Variants in AXIN1 observed in about 807,000 individuals in gnomAD.
AXIN1 encodes axin-1.
In AXIN1, 30 loss-of-function variants were observed where a neutral mutation model predicts 76.4. The ratio of observed to expected loss-of-function variants is 0.39; its 90% CI spans 0.29 to 0.53. AXIN1 has a LOEUF of 0.53. Ranked by LOEUF, AXIN1 falls within the 20% of genes least tolerant of loss-of-function variation. The pLI is 0.66. For synonymous variants in AXIN1, 545 were observed against 501.4 expected (o/e 1.09, Z -1.16); for missense variants, 1,140 against 1,198.8 (o/e 0.95, Z 0.72).
Position 293,409 on chromosome 16 carries a change from A to C in AXIN1, c.2186+79T>G. ...GGGCCGTTTTTCCCCTGAAGACCTC[A>C]GGCCTCGGGGAGCTTCAGCCCCAGG... is the stretch of plus-strand genomic sequence containing the variant. On this transcript the variant is annotated intron_variant, in intron 8 of 10. Coordinates refer to ENST00000262320, the MANE Select transcript of AXIN1 (RefSeq NM_003502.4). This position sits in a 1 kb window ranked among gnomAD's most constrained non-coding sequence, Gnocchi z 4.6. The C allele has an allele frequency of 7.0e-7, 1 of 1,437,064 alleles. No homozygotes were observed. The highest frequency in any genetic ancestry group is 9.6e-7 in the Non-Finnish European group (1 of 1,043,478). The allele number at this position is 1,437,064 out of a possible 1,614,324, so 89.0% of individuals were successfully genotyped here.
chr16:341,178 C>T (rs535384237), intron 2 of AXIN1, among the ~76,000 whole-genome samples: 2 of 152,398 alleles, frequency 1.3e-5, no homozygotes, highest in East Asian at 3.9e-4. Context: ...CTTGAGGAGC[C>T]CTTCAGCCCA....
In AXIN1 at chr16:297,892, G is replaced by A. The variant is rs374978030; in HGVS notation, c.1614C>T (p.His538=). ...TGGGCCGGGCTGTGCTGTGGTGGAC[G>A]TGGTGGTGGACGTGTCGGTGGTGGT... ...GLHHHRHVHH[H]VHHSTARPKE... Residue 538 remains histidine (H), a synonymous_variant, in exon 6 of 11, where the codon CAC becomes CAT. Coordinates refer to ENST00000262320, the MANE Select transcript of AXIN1 (RefSeq NM_003502.4). 65 of 1,592,204 alleles carry A rather than the reference G, an allele frequency of 4.1e-5. No individual in the cohort carries two copies. The highest frequency in any genetic ancestry group is 4.8e-5 in the Non-Finnish European group (56 of 1,168,296).
intron 2 of AXIN1, among the ~76,000 whole-genome samples, chr16:340,553 G>A (rs771845685): frequency 2.0e-5 from 3 of 152,224 alleles, no homozygotes; most frequent in Non-Finnish European, 4.4e-5. Context: ...TGCAGGCCCT[G>A]GGCCTCCCGC....
chr16:299,446 G>A (rs1453025411), intron 5 of AXIN1, among the ~76,000 whole-genome samples: 3 of 151,752 alleles, frequency 2.0e-5, no homozygotes, highest in Non-Finnish European at 2.9e-5. Flanking sequence ...TCCACCTCCC[G>A]GGCTCAAGCA....
At chr16:303,036 A>G (rs1266449506) in intron 5 of AXIN1, among the ~76,000 whole-genome samples, 1 of 151,856 alleles carries the variant, frequency 6.6e-6, no homozygotes, top group Non-Finnish European at 1.5e-5. Flanking sequence ...TAATTTTGAA[A>G]TTTTTTCTAG....
chr16:343,107 C>G (rs193094788), intron 2 of AXIN1, among the ~76,000 whole-genome samples: 1 of 152,192 alleles, frequency 6.6e-6, no homozygotes, highest in African/African-American at 2.4e-5. Flanking sequence ...ACCGCAGACA[C>G]GACTCCCAAG....
At chr16:305,814 G>A (rs1048963920) in intron 4 of AXIN1, among the ~76,000 whole-genome samples, 1 of 152,120 alleles carries the variant, frequency 6.6e-6, no homozygotes, top group African/African-American at 2.4e-5. Flanking sequence ...AAAGTGCTGG[G>A]ATTACAGGCG....
intron 1 of AXIN1, among the ~76,000 whole-genome samples, chr16:348,424 T>C (rs549702854): frequency 6.6e-6 from 1 of 152,318 alleles, no homozygotes; most frequent in African/African-American, 2.4e-5. Context: ...GTCCCTTGTC[T>C]ATGTGGAATC....
intron 2 of AXIN1, among the ~76,000 whole-genome samples, chr16:321,586 A>T (rs1431164275): frequency 6.6e-6 from 1 of 152,228 alleles, no homozygotes; most frequent in Admixed American, 6.5e-5. Flanking sequence ...ACGAGGTAGA[A>T]GGTGGATTCC....
intron 2 of AXIN1, among the ~76,000 whole-genome samples, chr16:337,589 G>A (rs533000413): frequency 6.6e-6 from 1 of 151,790 alleles, no homozygotes; most frequent in African/African-American, 2.4e-5. Context: ...GCAGCCCACT[G>A]CAGCTCACAG....
chr16:346,264 A>G lies in AXIN1; in HGVS notation c.762T>C (p.Asp254=), dbSNP rs1805105. 1,048,236 of 1,613,910 alleles carry G rather than the reference A, an allele frequency of 0.65. 346,703 individuals carry two copies. Among genetic ancestry groups the G allele is most frequent in the African/African-American group, 0.87 (64,979 of 75,010 alleles). Residue 254 remains aspartate, a synonymous_variant, in exon 2 of 11, where the codon GAT becomes GAC. Transcript: ENST00000262320. Reference sequence around the variant, plus strand: ...GAGCAGCGTCTCTGCCATCGTCCTCATCCATGTCCTGGTCACACTTCCATT... The same window carrying G: ...GAGCAGCGTCTCTGCCATCGTCCTCGTCCATGTCCTGGTCACACTTCCATT... ...DEEWKCDQDM[D]EDDGRDAAPP... is the part of the protein sequence containing the mutation.
At chr16:344,868 G>T (rs912894890) in intron 2 of AXIN1, among the ~76,000 whole-genome samples, 1 of 152,168 alleles carries the variant, frequency 6.6e-6, no homozygotes, top group African/African-American at 2.4e-5. Context: ...TGAGCGAGTA[G>T]CCAATTTCTG....
rs1231769424 is a variant in AXIN1, at chr16:297,136, A to G, written c.1875T>C (p.Asp625=). The change falls in exon 7 of 11, where the codon GAT becomes GAC. Residue 625 remains aspartate, a synonymous_variant. Coordinates refer to ENST00000262320, the MANE Select transcript of AXIN1 (RefSeq NM_003502.4). The part of the protein sequence containing the change: ...ASTEVPGASE[D]AEKNQKIMQW... ...GCATGATTTTCTGGTTCTTCTCCGC[A>G]TCCTCCGAGGCACCTGGCACCTCGG... 2 of 1,612,432 alleles carry G rather than the reference A, an allele frequency of 1.2e-6. No homozygotes were observed. The highest frequency in any genetic ancestry group is 2.7e-5 in the African/African-American group (2 of 74,828).
chr16:319,290 C>T (rs193059623), intron 2 of AXIN1, among the ~76,000 whole-genome samples: 2 of 152,218 alleles, frequency 1.3e-5, no homozygotes, highest in East Asian at 3.9e-4. Context: ...TATGATCACG[C>T]CACTGTGTTC....
At chr16:312,662 A>G (rs995394714) in intron 3 of AXIN1, among the ~76,000 whole-genome samples, 26 of 152,018 alleles carry the variant, frequency 1.7e-4, no homozygotes, top group Admixed American at 1.3e-4. Flanking sequence ...TATTTTGAAG[A>G]TTCAAAATTA....
At chr16:337,435 G>A (rs886611212) in intron 2 of AXIN1, among the ~76,000 whole-genome samples, 10 of 150,412 alleles carry the variant, frequency 6.6e-5, no homozygotes, top group Admixed American at 1.3e-4. Flanking sequence ...TGTTTGTTTA[G>A]GAGCAGACAC....
At chr16:289,856 A>C (rs1596965717) in intron 9 of AXIN1, 1 of 581,752 alleles carries the variant, frequency 1.7e-6, no homozygotes, top group East Asian at 3.0e-5. Context: ...CCCACCCTCG[A>C]CTGGCCAGGG....
At chr16:310,781 G>T (rs1024450839) in intron 3 of AXIN1, among the ~76,000 whole-genome samples, 1 of 152,388 alleles carries the variant, frequency 6.6e-6, no homozygotes, top group South Asian at 2.1e-4. Flanking sequence ...CATATTCACT[G>T]CCAGCCCTGC....
At position 334,724 on chromosome 16, in the gene AXIN1, C is replaced by A. The variant is rs1049030002; in HGVS notation, c.878+11424G>T. Among the ~76,000 whole-genome samples the A allele has an allele frequency of 1.1e-4, 17 of 151,444 alleles. No individual in the cohort carries two copies. The East Asian group carries it at 2.0e-3, about 17-fold the overall frequency. ...ACCAATAACATAGCACCCAGTACCACAGCATGCCAATAACACAGCACCTAG... is the reference window on the plus strand; with the variant it reads ...ACCAATAACATAGCACCCAGTACCAAAGCATGCCAATAACACAGCACCTAG... On this transcript the variant is annotated intron_variant, in intron 2 of 10. Transcript: ENST00000262320.
Sources: allele counts gnomAD v4.1 joint callset (sites outside exome capture counted in the v4.1 genomes callset), GRCh38; gene constraint gnomAD v4.1.1; non-coding constraint Gnocchi (gnomAD v3.1); transcripts MANE v1.5; gene names NCBI Gene and HGNC (gene_info 2026-07-23, HGNC 2026-07-21).